The following BAIAP2L1 variants were observed in gnomAD, a reference collection of about 807,000 sequenced individuals.
BAIAP2L1 encodes BAR/IMD domain containing adaptor protein 2 like 1.
BAIAP2L1 carries 35 observed loss-of-function variants against 66.3 expected under a neutral mutation model. That is an observed-to-expected ratio of 0.53 (90% CI 0.40 to 0.70). The LOEUF is 0.70. Among genes scored for constraint, BAIAP2L1 ranks in the 30% least tolerant of loss-of-function variants. The pLI, the probability that BAIAP2L1 is intolerant of heterozygous loss-of-function variation, is 0.00. For synonymous variants in BAIAP2L1, 269 were observed against 248.7 expected, an observed-to-expected ratio of 1.08 and a Z score of -0.77; for missense variants, 622 against 656.9, an observed-to-expected ratio of 0.95 and a Z score of 0.58.
Position 98,355,057 on chromosome 7 carries a change from C to A in BAIAP2L1, c.199G>T (p.Val67Leu). The A allele has an allele frequency of 1.2e-6, 2 of 1,613,412 alleles. No individual in the cohort carries two copies. Among genetic ancestry groups the A allele is most frequent in the South Asian group, 2.2e-5 (2 of 91,076 alleles). ...GATCGCTCACCCAGTTCAGTTGACA[C>A]GGGGGACCCAGTGGCAATCTCACCG... ...KIGEIATGSP[V>L]STELGHVLIE... is the part of the protein sequence containing the mutation. Residue 67 changes from valine to leucine, a missense_variant, in exon 3 of 14, where the codon GTG (valine) becomes TTG (leucine). By Grantham distance (32) the Val-to-Leu change is conservative (BLOSUM62 1). Transcript: ENST00000005260.
At chr7:98,299,484 T>C (rs1271765349) in intron 12 of BAIAP2L1, among the ~76,000 whole-genome samples, 3 of 151,884 alleles carry the variant, frequency 2.0e-5, no homozygotes, top group Non-Finnish European at 4.4e-5. Flanking sequence ...GCCTCAGCCA[T>C]GGTACCTGCT....
At chr7:98,304,085 C>G (rs1800534735) in intron 12 of BAIAP2L1, 111 bp downstream of exon 12, 1 of 1,174,374 alleles carries the variant, frequency 8.5e-7, no homozygotes, top group Non-Finnish European at 1.1e-6. Flanking sequence ...CCGGGGACAC[C>G]ACTCTCCCCC....
chr7:98,368,558 G>A (rs150296230), intron 1 of BAIAP2L1, among the ~76,000 whole-genome samples: 21 of 152,290 alleles, frequency 1.4e-4, no homozygotes, highest in African/African-American at 5.1e-4. Flanking sequence ...GGGTGTGGTG[G>A]TGCGTGCTTG....
chr7:98,372,363 G>A (rs576475440), intron 1 of BAIAP2L1, among the ~76,000 whole-genome samples: 2 of 152,136 alleles, frequency 1.3e-5, no homozygotes, highest in South Asian at 2.1e-4. Flanking sequence ...CTGAGATGGC[G>A]TCACTGCTCT....
chr7:98,307,635 C>A, intron 10 of BAIAP2L1, 54 bp downstream of exon 10: 1 of 1,602,428 alleles, frequency 6.2e-7, no homozygotes, highest in Non-Finnish European at 8.5e-7. Context: ...CTTGGCTGCT[C>A]TGGAAGGGAG....
intron 1 of BAIAP2L1, among the ~76,000 whole-genome samples, chr7:98,366,670 G>T (rs920068772): frequency 6.6e-6 from 1 of 152,132 alleles, no homozygotes; most frequent in African/African-American, 2.4e-5. Flanking sequence ...TACACAAGGT[G>T]CCTCTCCCAT....
intron 5 of BAIAP2L1, among the ~76,000 whole-genome samples, chr7:98,317,606 G>A (rs74699860): frequency 4.4e-4 from 66 of 150,566 alleles, no homozygotes; most frequent in East Asian, 4.4e-3. Flanking sequence ...AGTTCACACC[G>A]TCTGCATGCT....
intron 3 of BAIAP2L1, among the ~76,000 whole-genome samples, chr7:98,324,376 C>G (rs1434667043): frequency 6.6e-6 from 1 of 152,048 alleles, no homozygotes; most frequent in Non-Finnish European, 1.5e-5. Flanking sequence ...GTGGAAATCT[C>G]CAACAAAAAA....
chr7:98,359,208 C>T (rs569708487), intron 2 of BAIAP2L1, among the ~76,000 whole-genome samples: 7 of 152,130 alleles, frequency 4.6e-5, no homozygotes, highest in South Asian at 2.1e-4. Flanking sequence ...GACCCTATCC[C>T]GCCCACGCCC....
At chr7:98,344,155 C>T (rs1159731539) in intron 3 of BAIAP2L1, among the ~76,000 whole-genome samples, 3 of 152,062 alleles carry the variant, frequency 2.0e-5, no homozygotes, top group South Asian at 4.1e-4. Context: ...TCCAGCCTGA[C>T]GACAGAGCAA....
chr7:98,378,413 G>C (rs114526228), intron 1 of BAIAP2L1, among the ~76,000 whole-genome samples: 2,981 of 152,216 alleles, frequency 0.02, 100 homozygotes, highest in African/African-American at 0.068. Flanking sequence ...ACCTGGGTTT[G>C]GGCTGAGGCA....
intron 3 of BAIAP2L1, among the ~76,000 whole-genome samples, chr7:98,324,783 A>C (rs1330263656): frequency 6.6e-6 from 1 of 152,120 alleles, no homozygotes; most frequent in Admixed American, 6.5e-5. Flanking sequence ...AAAAAGAAAA[A>C]TAATACAGTC....
Position 98,346,841 on chromosome 7 carries a change from G to T in BAIAP2L1, c.214+8201C>A, listed in dbSNP as rs184631118. On this transcript the variant is annotated intron_variant, in intron 3 of 13. Transcript: ENST00000005260. ...GTCAAACGTAGATGGAATTAGAGAA[G>T]AAACAGCTGACTGGAAATGCTGACA... is the stretch of plus-strand genomic sequence containing the variant. Among the ~76,000 whole-genome samples, 17 of 152,312 alleles carry T rather than the reference G, an allele frequency of 1.1e-4. No individual in the cohort carries two copies. The East Asian group carries it at 3.1e-3, about 28-fold the overall frequency.
At chr7:98,343,760 G>C (rs1801804434) in intron 3 of BAIAP2L1, among the ~76,000 whole-genome samples, 1 of 152,200 alleles carries the variant, frequency 6.6e-6, no homozygotes, top group Non-Finnish European at 1.5e-5. Context: ...TCTACTGTCT[G>C]GGTAAGGGCC....
intron 1 of BAIAP2L1, among the ~76,000 whole-genome samples, chr7:98,390,919 C>T (rs1282803625): frequency 6.6e-6 from 1 of 151,882 alleles, no homozygotes; most frequent in East Asian, 1.9e-4. Context: ...TCACTGCTAC[C>T]TTTGCCTCCC....
intron 12 of BAIAP2L1, among the ~76,000 whole-genome samples, chr7:98,301,824 G>C (rs1488477474): frequency 6.6e-6 from 1 of 152,162 alleles, no homozygotes; most frequent in Non-Finnish European, 1.5e-5. Flanking sequence ...GCTCGCGGGT[G>C]TGAGCTGAGA....
intron 1 of BAIAP2L1, among the ~76,000 whole-genome samples, chr7:98,370,564 C>T (rs1258578355): frequency 1.3e-5 from 2 of 151,670 alleles, no homozygotes; most frequent in Non-Finnish European, 2.9e-5. Flanking sequence ...TGCAGTGGCG[C>T]GATCTCGGCT....
intron 1 of BAIAP2L1, among the ~76,000 whole-genome samples, chr7:98,372,628 C>T (rs1003654613): frequency 6.6e-6 from 1 of 151,624 alleles, no homozygotes; most frequent in African/African-American, 2.4e-5. Context: ...ACAAATTAAC[C>T]GAGTGACATC....
chr7:98,344,418 T>C (rs1304586969), intron 3 of BAIAP2L1, among the ~76,000 whole-genome samples: 2 of 152,216 alleles, frequency 1.3e-5, no homozygotes, highest in Non-Finnish European at 2.9e-5. Flanking sequence ...TCAAATATAC[T>C]TGAAGAAAGA....
Sources: gnomAD v4.1 joint callset for allele counts (sites outside exome capture counted in the v4.1 genomes callset) on GRCh38, gnomAD v4.1.1 for gene constraint, MANE v1.5 for transcripts, NCBI Gene and HGNC (gene_info 2026-07-23, HGNC 2026-07-21) for gene names.